EFTUD2: variants seen among roughly 807,000 people sequenced by gnomAD.
EFTUD2 encodes 116 kDa U5 small nuclear ribonucleoprotein component.
EFTUD2 carries 9 observed loss-of-function variants against 114.3 expected under a neutral mutation model. That is an observed-to-expected ratio of 0.08 (90% CI 0.05 to 0.14). The LOEUF (loss-of-function observed/expected upper bound fraction) is 0.14, where lower values mean the gene tolerates loss of function less well. EFTUD2 is among the 10% of genes least tolerant of loss of function. The pLI, the probability that EFTUD2 is intolerant of heterozygous loss-of-function variation, is 1.00. For missense variants in EFTUD2, 765 were observed against 1,241.2 expected, an observed-to-expected ratio of 0.62 and a Z score of 5.76; for synonymous variants, 449 against 462.3, an observed-to-expected ratio of 0.97 and a Z score of 0.37.
intron 11 of EFTUD2, among the ~76,000 whole-genome samples, chr17:44,871,867 G>A (rs1174689634): frequency 1.3e-5 from 2 of 152,204 alleles, no homozygotes; most frequent in African/African-American, 2.4e-5. Flanking sequence ...CTCAGTGCAC[G>A]ATTCCTATTG....
At position 44,880,548 on chromosome 17, in the gene EFTUD2, T is replaced by A; in HGVS notation, c.619+6A>T. 3.1e-6 allele frequency: 5 copies of A among 1,611,358 alleles called. No individual in the cohort carries two copies. Among genetic ancestry groups the A allele is most frequent in the East Asian group, 2.2e-5 (1 of 44,838 alleles). On this transcript the variant is annotated splice_donor_region_variant and intron_variant, in intron 8 of 27. Coordinates refer to ENST00000426333, the MANE Select transcript of EFTUD2 (RefSeq NM_004247.4). ...TCTAATAATCAAAAGCCAAAGGATG[T>A]CCTACCTGGAGTGTCCATGATATTG...
intron 13 of EFTUD2, among the ~76,000 whole-genome samples, chr17:44,866,470 G>C (rs2050747873): frequency 6.6e-6 from 1 of 152,106 alleles, no homozygotes; most frequent in Non-Finnish European, 1.5e-5. Context: ...GAGTGCAGTG[G>C]CACAATCTCA....
intron 8 of EFTUD2, 147 bp downstream of exon 8, chr17:44,880,407 G>T (rs533434883): frequency 1.5e-3 from 852 of 571,910 alleles, no homozygotes; most frequent in South Asian, 2.7e-3. Flanking sequence ...CAGAAACAAA[G>T]GAGAGAGTCA....
intron 12 of EFTUD2, 112 bp downstream of exon 12, chr17:44,868,173 TAA>T (rs879181467): frequency 0.015 from 12,078 of 793,606 alleles, no homozygotes; most frequent in South Asian, 0.025. Context: ...TAGTTTACAT[TAA>T]AAAAAAAAAA....
At chr17:44,894,663 T>C (rs903893062) in intron 1 of EFTUD2, 138 bp from the exon 2 acceptor site, 17 of 653,100 alleles carry the variant, frequency 2.6e-5, no homozygotes, top group Non-Finnish European at 4.4e-5. Flanking sequence ...ATCAACCTAC[T>C]GAATGCTCCT....
At chr17:44,871,267 C>T (rs75868785) in intron 11 of EFTUD2, among the ~76,000 whole-genome samples, 14,059 of 151,908 alleles carry the variant, frequency 0.093, 766 homozygotes, top group East Asian at 0.14. Context: ...TCAAGTGATC[C>T]GCCTGCCTCA....
intron 15 of EFTUD2, 33 bp from the exon 16 acceptor site, chr17:44,862,939 C>A: frequency 6.4e-7 from 1 of 1,573,066 alleles, no homozygotes. Context: ...GCTTCAACCA[C>A]ATCTATGCTC....
chr17:44,861,364 G>A (rs1242120498), intron 16 of EFTUD2, among the ~76,000 whole-genome samples: 1 of 148,518 alleles, frequency 6.7e-6, no homozygotes, highest in African/African-American at 2.5e-5. Context: ...AGAATCGCTT[G>A]AACCCGGGAG....
intron 8 of EFTUD2, among the ~76,000 whole-genome samples, 154 bp from the exon 9 acceptor site, chr17:44,879,792 A>G (rs1422159890): frequency 6.6e-6 from 1 of 151,928 alleles, no homozygotes; most frequent in Non-Finnish European, 1.5e-5. Flanking sequence ...AATATCCCCC[A>G]TTAGTGTCAT....
At chr17:44,861,262 T>C (rs978630008) in intron 16 of EFTUD2, among the ~76,000 whole-genome samples, 4 of 151,288 alleles carry the variant, frequency 2.6e-5, no homozygotes, top group Admixed American at 2.0e-4. Context: ...CTGGCCAACA[T>C]GGTGAAAACT....
At chr17:44,859,787 A>T in intron 18 of EFTUD2, 118 bp downstream of exon 18, 1 of 1,525,094 alleles carries the variant, frequency 6.6e-7, no homozygotes, top group South Asian at 1.2e-5. Context: ...CTTGCTCCTG[A>T]CACAGCTTCC....
At chr17:44,863,561 G>C (rs1057264694) in intron 15 of EFTUD2, 94 bp downstream of exon 15, 1 of 1,522,408 alleles carries the variant, frequency 6.6e-7, no homozygotes, top group East Asian at 2.3e-5. Flanking sequence ...GGCAAGGGTG[G>C]GAAAGTGGGC....
In EFTUD2 at chr17:44,860,452, C is replaced by T. The variant is rs1567733855; in HGVS notation, c.1699G>A (p.Glu567Lys). The T allele has an allele frequency of 6.2e-7, 1 of 1,613,870 alleles. No individual in the cohort carries two copies. The highest frequency in any genetic ancestry group is 8.5e-7 in the Non-Finnish European group (1 of 1,179,836). Reference sequence around the variant, plus strand: ...TCTACCTCCTCATTGCCTCGGGGTTCGGTTATGGTTGCTGTCTTCACAATT... The same window carrying T: ...TCTACCTCCTCATTGCCTCGGGGTTTGGTTATGGTTGCTGTCTTCACAATT... Reference protein sequence around the residue: ...QPIVKTATITEPRGNEEAQIF... With the variant: ...QPIVKTATITKPRGNEEAQIF... Residue 567 changes from glutamate to lysine, a missense_variant, in exon 17 of 28, where the codon GAA (glutamate) becomes AAA (lysine). Glu to Lys is a moderately conservative substitution (Grantham distance 56, BLOSUM62 1). Transcript: ENST00000426333.
intron 23 of EFTUD2, 186 bp from the exon 24 acceptor site, chr17:44,853,821 G>A: frequency 7.0e-7 from 1 of 1,429,264 alleles, no homozygotes; most frequent in African/African-American, 1.4e-5. Context: ...CAGAAGTTAA[G>A]CATATGTTCT....
intron 26 of EFTUD2, 33 bp from the exon 27 acceptor site, chr17:44,851,850 C>G (rs775807373): frequency 1.9e-6 from 3 of 1,562,070 alleles, no homozygotes; most frequent in Non-Finnish European, 2.6e-6. Context: ...ATGGCCCAGG[C>G]AGAATTCCCA....
intron 26 of EFTUD2, 26 bp from the exon 27 acceptor site, chr17:44,851,843 G>A (rs555217448): frequency 1.9e-6 from 3 of 1,583,324 alleles, no homozygotes; most frequent in South Asian, 2.3e-5. Context: ...ATTTCAGATG[G>A]CCCAGGCAGA....
At chr17:44,884,519 GAAA>G (rs35195434) in intron 4 of EFTUD2, among the ~76,000 whole-genome samples, 1 of 130,690 alleles carries the variant, frequency 7.7e-6, no homozygotes, top group East Asian at 2.3e-4. Flanking sequence ...ACCCCGCATC[GAAA>G]AAAAAAAAAA....
intron 26 of EFTUD2, 120 bp from the exon 27 acceptor site, chr17:44,851,937 G>T: frequency 1.1e-6 from 1 of 943,506 alleles, no homozygotes; most frequent in Non-Finnish European, 1.5e-6. Context: ...ATTTTTTTGA[G>T]ATGGAGTTTC....
chr17:44,857,108 G>C lies in EFTUD2; in HGVS notation c.2012C>G (p.Ser671Cys). ...TFCETVVETS[S>C]LKCFAETPNK... Reference sequence around the variant, plus strand: ...AGGCGTTTCAGCAAAGCACTTGAGGGAGGATGTTTCCACCACCGTCTCACA... The same window carrying C: ...AGGCGTTTCAGCAAAGCACTTGAGGCAGGATGTTTCCACCACCGTCTCACA... The change falls in exon 20 of 28, where the codon TCC becomes TGC. Residue 671 changes from serine to cysteine, a missense_variant. Physicochemically the swap from Ser to Cys is moderately radical, Grantham distance 112 (BLOSUM62 -1). This residue lies in a region of EFTUD2 where 166 missense variants were observed against 401.5 expected (regional missense o/e 0.41). Transcript: ENST00000426333. 1 of 1,614,052 alleles carries C rather than the reference G, an allele frequency of 6.2e-7. No individual in the cohort carries two copies. The highest frequency in any genetic ancestry group is 8.5e-7 in the Non-Finnish European group (1 of 1,179,926).
Sources: allele counts gnomAD v4.1 joint callset (sites outside exome capture counted in the v4.1 genomes callset), GRCh38; gene constraint gnomAD v4.1.1; regional missense constraint gnomAD v4.1.1; transcripts MANE v1.5; gene names NCBI Gene and HGNC (gene_info 2026-07-23, HGNC 2026-07-21).